Variants in CADM2 observed in about 807,000 individuals in gnomAD.
CADM2 encodes the protein immunoglobulin superfamily member 4D.
Under a neutral mutation model 49.8 loss-of-function variants are expected in CADM2, and 12 were observed. The ratio of observed to expected loss-of-function variants is 0.24; its 90% confidence interval spans 0.15 to 0.39. The LOEUF (loss-of-function observed/expected upper bound fraction) is 0.39, where lower values mean the gene tolerates loss of function less well. Ranked by LOEUF, CADM2 falls within the 10% of genes least tolerant of loss-of-function variation. The pLI, the probability that CADM2 is intolerant of heterozygous loss-of-function variation, is 1.00. For synonymous variants in CADM2, 214 were observed against 175.4 expected (o/e 1.22, Z -1.74); for missense variants, 378 against 492.3 (o/e 0.77, Z 2.20).
intron 8 of CADM2, among the ~76,000 whole-genome samples, chr3:86,060,565 T>C (rs547245207): frequency 4.9e-4 from 74 of 152,340 alleles, no homozygotes; most frequent in African/African-American, 1.8e-3. Context: ...ATTTATTTAT[T>C]TATTTTTGAG....
intron 1 of CADM2, among the ~76,000 whole-genome samples, chr3:85,656,083 A>C (rs773907682): frequency 6.6e-6 from 1 of 151,962 alleles, no homozygotes; most frequent in Non-Finnish European, 1.5e-5. Flanking sequence ...CATACTTCCT[A>C]CAGTGGAGTG....
At chr3:85,559,491 A>G (rs2062037012) in intron 1 of CADM2, among the ~76,000 whole-genome samples, 1 of 152,100 alleles carries the variant, frequency 6.6e-6, no homozygotes. Context: ...CTAAATTAAG[A>G]TATAGTAACA....
chr3:84,981,747 A>G (rs1365872251), intron 1 of CADM2, among the ~76,000 whole-genome samples: 1 of 151,938 alleles, frequency 6.6e-6, no homozygotes, highest in East Asian at 1.9e-4. Flanking sequence ...TGTTGGAAGT[A>G]TTAAATATAT....
At chr3:85,329,886 A>G (rs1373651931) in intron 1 of CADM2, among the ~76,000 whole-genome samples, 1 of 152,138 alleles carries the variant, frequency 6.6e-6, no homozygotes, top group Non-Finnish European at 1.5e-5. Flanking sequence ...AAAGAAAAAT[A>G]AGAAGCATTT....
intron 1 of CADM2, among the ~76,000 whole-genome samples, chr3:85,342,043 A>G (rs772991519): frequency 5.9e-5 from 9 of 152,210 alleles, no homozygotes; most frequent in Non-Finnish European, 1.3e-4. Context: ...GCTTCTGAAC[A>G]GCAAAAGAAA....
At chr3:85,679,443 G>A (rs759244306) in intron 1 of CADM2, among the ~76,000 whole-genome samples, 4 of 152,076 alleles carry the variant, frequency 2.6e-5, no homozygotes, top group Non-Finnish European at 4.4e-5. Context: ...CTATAATAAT[G>A]TTGTAGTTCC....
At chr3:85,210,141 G>A (rs1463077242) in intron 1 of CADM2, among the ~76,000 whole-genome samples, 1 of 152,102 alleles carries the variant, frequency 6.6e-6, no homozygotes. Context: ...TTATTGTTTC[G>A]AGGTATGTTC....
At chr3:85,934,794 T>C (rs568491527) in intron 6 of CADM2, among the ~76,000 whole-genome samples, 4 of 152,116 alleles carry the variant, frequency 2.6e-5, no homozygotes, top group Admixed American at 2.0e-4. Context: ...ATAATAACAG[T>C]GCAGATCAGT....
chr3:85,925,917 C>G (rs1486109308), intron 6 of CADM2, among the ~76,000 whole-genome samples: 1 of 152,022 alleles, frequency 6.6e-6, no homozygotes, highest in East Asian at 1.9e-4. Flanking sequence ...GAGGGCAGAT[C>G]ATGAGGTCAG....
At chr3:85,052,005 A>C (rs2035900046) in intron 1 of CADM2, among the ~76,000 whole-genome samples, 1 of 152,120 alleles carries the variant, frequency 6.6e-6, no homozygotes, top group Non-Finnish European at 1.5e-5. Flanking sequence ...GGAATAGCTA[A>C]ACCAAATCTG....
chr3:85,686,970 C>T (rs186279446), intron 1 of CADM2, among the ~76,000 whole-genome samples: 29 of 152,256 alleles, frequency 1.9e-4, no homozygotes, highest in African/African-American at 6.3e-4. Flanking sequence ...GTGCTCTGAC[C>T]ACCTTGGGCA....
chr3:85,443,612 C>A (rs1189324287), intron 1 of CADM2, among the ~76,000 whole-genome samples: 1 of 152,068 alleles, frequency 6.6e-6, no homozygotes, highest in Non-Finnish European at 1.5e-5. Flanking sequence ...TTTCATATTT[C>A]TTATTACTTG....
chr3:85,863,049 C>A (rs1179229318), intron 3 of CADM2, among the ~76,000 whole-genome samples: 1 of 152,104 alleles, frequency 6.6e-6, no homozygotes, highest in African/African-American at 2.4e-5. Context: ...GGTGTCAAGT[C>A]AGTTAAATGT....
chr3:85,589,521 T>TA (rs1343384725), intron 1 of CADM2, among the ~76,000 whole-genome samples: 2 of 152,010 alleles, frequency 1.3e-5, no homozygotes, highest in East Asian at 3.9e-4. Context: ...CCATGCTTCA[T>TA]TAGTATCCTG....
intron 1 of CADM2, among the ~76,000 whole-genome samples, chr3:85,600,877 G>A (rs1229024424): frequency 1.3e-5 from 2 of 150,866 alleles, no homozygotes; most frequent in East Asian, 3.9e-4. Flanking sequence ...AGGAATGGAG[G>A]GGTAGTTAGA....
At position 85,142,906 on chromosome 3, in the gene CADM2, A is replaced by G. The variant is rs573633462; in HGVS notation, c.61+183238A>G. Among the ~76,000 whole-genome samples the G allele has an allele frequency of 4.1e-3, 631 of 152,322 alleles. 4 individuals are homozygous for G. The highest frequency in any genetic ancestry group is 0.014 in the South Asian group (66 of 4,826). On this transcript the variant is annotated intron_variant, in intron 1 of 9. Transcript: ENST00000383699. ...GGGATTCACTGAAGTGTAAAGGCAA[A>G]GATTGTATTTTGTGTGTTTGGAAAG...
Position 85,048,149 on chromosome 3 carries a change from GA to G in CADM2, c.61+88488del, listed in dbSNP as rs2035739566. On this transcript the variant is annotated intron_variant, in intron 1 of 9. Transcript: ENST00000383699. ...ATGTTAAGTGCCAAGACGATGTATG[GA>G]AAAAAAGATGATTGGTTCACAAATA... Among the ~76,000 whole-genome samples, 6 of 152,044 alleles carry G rather than the reference GA, an allele frequency of 3.9e-5. 1 individual carries two copies. In the South Asian group the frequency reaches 1.3e-3, roughly 32 times the overall value.
chr3:85,395,165 G>C (rs959515811), intron 1 of CADM2, among the ~76,000 whole-genome samples: 3 of 151,672 alleles, frequency 2.0e-5, no homozygotes, highest in African/African-American at 7.3e-5. Context: ...AGGTGTATTG[G>C]TGCATACCTG....
intron 1 of CADM2, among the ~76,000 whole-genome samples, chr3:84,983,943 C>T (rs1022721855): frequency 2.0e-5 from 3 of 151,686 alleles, no homozygotes; most frequent in African/African-American, 7.3e-5. Flanking sequence ...TGGACATTAT[C>T]AACTTCAAGA....
Sources: allele counts gnomAD v4.1 joint callset (sites outside exome capture counted in the v4.1 genomes callset), GRCh38; gene constraint gnomAD v4.1.1; transcripts MANE v1.5; gene names NCBI Gene and HGNC (gene_info 2026-07-23, HGNC 2026-07-21).